PIK3CD: variants seen among roughly 807,000 people sequenced by gnomAD.
PIK3CD encodes phosphatidylinositol-4,5-bisphosphate 3-kinase catalytic subunit delta.
Under a neutral mutation model 122.9 loss-of-function variants are expected in PIK3CD, and 20 were observed. That is an observed-to-expected ratio of 0.16 (90% CI 0.11 to 0.24). The LOEUF (loss-of-function observed/expected upper bound fraction) is 0.24. PIK3CD is among the 10% of genes least tolerant of loss of function. The probability of loss-of-function intolerance (pLI) is 1.00; values close to 1 mark genes in which losing one functional copy is unlikely to be tolerated. For missense variants in PIK3CD, 787 were observed against 1,406.3 expected (o/e 0.56, Z 7.04); for synonymous variants, 596 against 593.4 (o/e 1.00, Z -0.06).
At chr1:9,644,711 C>CA in the PIK3CD span, among the ~76,000 whole-genome samples, 156 of 151,472 alleles carry the variant, frequency 1.0e-3, no homozygotes, top group Admixed American at 1.4e-3. Context: ...TTTGAATTGT[C>CA]AAAAAAAATG....
the PIK3CD span, among the ~76,000 whole-genome samples, chr1:9,638,419 G>A: frequency 1.3e-5 from 2 of 151,978 alleles, no homozygotes; most frequent in African/African-American, 4.8e-5. Flanking sequence ...CTCCAAACCC[G>A]CTTCCGATGC....
rs1203599065 is a variant in PIK3CD at position 9,710,043 on chromosome 1, C to T, written c.-32-381C>T. Among the ~76,000 whole-genome samples, 1 of 152,126 alleles carries T rather than the reference C, an allele frequency of 6.6e-6. No homozygotes were observed. Among genetic ancestry groups the T allele is most frequent in the Non-Finnish European group, 1.5e-5 (1 of 68,006 alleles). Reference sequence around the variant, plus strand: ...AGAATGTATTTCAAAGAACTGCAGCCTTCGGCCTCTCAGGTCTCAGGGCAC... The same window carrying T: ...AGAATGTATTTCAAAGAACTGCAGCTTTCGGCCTCTCAGGTCTCAGGGCAC... On this transcript the variant is annotated intron_variant, in intron 2 of 23. Transcript: ENST00000377346. The surrounding 1 kb of genome is among the most constrained non-coding windows in gnomAD (Gnocchi z 4.7).
the PIK3CD span, among the ~76,000 whole-genome samples, chr1:9,628,607 T>C: frequency 6.6e-6 from 1 of 152,228 alleles, no homozygotes; most frequent in Non-Finnish European, 1.5e-5. Flanking sequence ...AGCTCAGCTC[T>C]GAGGTTTCAG....
At chr1:9,686,810 C>T (rs1224476268) in intron 1 of PIK3CD, among the ~76,000 whole-genome samples, 1 of 152,206 alleles carries the variant, frequency 6.6e-6, no homozygotes, top group African/African-American at 2.4e-5. Context: ...AGTTGTGCCA[C>T]CTGGGGCAAG....
the PIK3CD span, among the ~76,000 whole-genome samples, chr1:9,634,885 C>T: frequency 6.6e-6 from 1 of 152,152 alleles, no homozygotes; most frequent in Non-Finnish European, 1.5e-5. Flanking sequence ...ATTGTCTCCC[C>T]AAAATTTGTG....
At chr1:9,725,006 G>A in intron 23 of PIK3CD, 70 bp downstream of exon 23, 1 of 1,583,120 alleles carries the variant, frequency 6.3e-7, no homozygotes, top group Middle Eastern at 1.7e-4. Flanking sequence ...ATGTGACCTA[G>A]GAGGGCCCTG....
At chr1:9,696,737 AAGAG>A (rs989011472) in intron 2 of PIK3CD, among the ~76,000 whole-genome samples, 18 of 151,916 alleles carry the variant, frequency 1.2e-4, no homozygotes, top group Middle Eastern at 3.4e-3. Flanking sequence ...AAAAAAAAAA[AAGAG>A]AGAAGAAAAA....
chr1:9,667,930 T>TTTTTG, intron 1 of PIK3CD, among the ~76,000 whole-genome samples: 1 of 147,552 alleles, frequency 6.8e-6, no homozygotes, highest in African/African-American at 2.5e-5. Context: ...TTTTTTTTTT[T>TTTTTG]TTAGTAAAGA....
At chr1:9,697,482 C>G (rs1396413317) in intron 2 of PIK3CD, among the ~76,000 whole-genome samples, 1 of 151,468 alleles carries the variant, frequency 6.6e-6, no homozygotes, top group Admixed American at 6.6e-5. Context: ...TTGCTTGAGC[C>G]CTGGAGTTTG....
rs768012867 is a variant in PIK3CD, at chr1:9,716,091, G to A, written c.600+13G>A. The A allele has an allele frequency of 6.8e-5, 109 of 1,600,068 alleles. No individual in the cohort carries two copies. The highest frequency in any genetic ancestry group is 3.8e-4 in the East Asian group (17 of 44,726). On this transcript the variant is annotated intron_variant, in intron 5 of 23. Coordinates refer to ENST00000377346, the MANE Select transcript of PIK3CD (RefSeq NM_005026.5). The stretch of plus-strand genomic sequence containing the variant: ...TGAGGGCAGCGAGGTGAGCCCATGC[G>A]TGGCCTGCGGCATCCAGGCTGCTCT...
intron 2 of PIK3CD, among the ~76,000 whole-genome samples, chr1:9,696,209 C>A (rs898588470): frequency 6.6e-6 from 1 of 151,880 alleles, no homozygotes; most frequent in East Asian, 2.0e-4. Context: ...TGGGCTCAAG[C>A]AATCCACCCA....
chr1:9,671,353 C>T (rs576040089), intron 1 of PIK3CD, among the ~76,000 whole-genome samples: 58 of 152,324 alleles, frequency 3.8e-4, no homozygotes, highest in African/African-American at 1.4e-3. Context: ...CCCACCTTGG[C>T]CTTCCAAAGT....
At chr1:9,682,013 G>T (rs1645773955) in intron 1 of PIK3CD, among the ~76,000 whole-genome samples, 1 of 152,110 alleles carries the variant, frequency 6.6e-6, no homozygotes, top group African/African-American at 2.4e-5. Context: ...CCCAACTGCA[G>T]CTTCAACCTC....
chr1:9,686,032 T>C (rs1278949387), intron 1 of PIK3CD, among the ~76,000 whole-genome samples: 1 of 152,008 alleles, frequency 6.6e-6, no homozygotes, highest in Non-Finnish European at 1.5e-5. Flanking sequence ...GAAGCTGAGA[T>C]TTCATCACAG....
chr1:9,640,887 A>G, the PIK3CD span, among the ~76,000 whole-genome samples: 2 of 152,032 alleles, frequency 1.3e-5, no homozygotes, highest in African/African-American at 4.8e-5. Context: ...ACCACTGCCC[A>G]GGGCCTTTGC....
Position 9,710,208 on chromosome 1 carries a change from G to A in PIK3CD, c.-32-216G>A, listed in dbSNP as rs1570334179. The A allele has an allele frequency of 6.2e-5, 33 of 532,992 alleles. No homozygotes were observed. The East Asian group carries it at 1.1e-3, about 17-fold the overall frequency. The allele number at this position is 532,992 out of a possible 1,614,324, so 33.0% of individuals were successfully genotyped here. ...GACATGCAGTGTCTGCCTGGGAGAA[G>A]AGGCAGCTGAGGCCGTGGCCCGGAG... On this transcript the variant is annotated intron_variant, in intron 2 of 23. Coordinates refer to ENST00000377346, the MANE Select transcript of PIK3CD (RefSeq NM_005026.5). This position sits in a 1 kb window ranked among gnomAD's most constrained non-coding sequence, Gnocchi z 4.7.
At chr1:9,644,516 CAAATAAAT>C in the PIK3CD span, among the ~76,000 whole-genome samples, 1,591 of 145,544 alleles carry the variant, frequency 0.011, 21 homozygotes, top group South Asian at 0.041. Context: ...GACTCCGTCT[CAAATAAAT>C]AAATAAATAA....
At position 9,727,286 on chromosome 1, in the gene PIK3CD, G is replaced by A; in HGVS notation, c.*240G>A. 1.8e-6 allele frequency: 1 copy of A among 557,574 alleles called. No individual in the cohort carries two copies. Among genetic ancestry groups the A allele is most frequent in the Non-Finnish European group, 3.2e-6 (1 of 310,640 alleles). The allele number at this position is 557,574 out of a possible 1,614,324, so 34.5% of individuals were successfully genotyped here. A position where few individuals can be genotyped will look rare whatever the true frequency, so the allele number is the denominator to read the frequency against. On this transcript the variant is annotated 3_prime_UTR_variant, in exon 24 of 24. Coordinates refer to ENST00000377346, the MANE Select transcript of PIK3CD (RefSeq NM_005026.5). ...TGCTGGGCCCCCCGAGGCTGCACCTGGCTCTCGGCTGAGGATTGTCACCCC... is the reference window on the plus strand; with the variant it reads ...TGCTGGGCCCCCCGAGGCTGCACCTAGCTCTCGGCTGAGGATTGTCACCCC...
At chr1:9,706,279 C>T (rs1294179249) in intron 2 of PIK3CD, among the ~76,000 whole-genome samples, 1 of 150,924 alleles carries the variant, frequency 6.6e-6, no homozygotes, top group Non-Finnish European at 1.5e-5. Context: ...TCACTTGAGC[C>T]CAGGAGTTCG....
Sources: allele counts gnomAD v4.1 joint callset (sites outside exome capture counted in the v4.1 genomes callset), GRCh38; gene constraint gnomAD v4.1.1; non-coding constraint Gnocchi (gnomAD v3.1); transcripts MANE v1.5; gene names NCBI Gene and HGNC (gene_info 2026-07-23, HGNC 2026-07-21).